The following NBPF9 variants were observed in gnomAD, a reference collection of about 807,000 sequenced individuals.
The protein encoded by NBPF9 is NBPF member 9.
NBPF9 carries 91 observed loss-of-function variants against 97.8 expected under a neutral mutation model. The ratio of observed to expected loss-of-function variants is 0.93; its 90% CI spans 0.79 to 1.11. The LOEUF (loss-of-function observed/expected upper bound fraction) is 1.11. NBPF9 is among the 50% of genes least tolerant of loss of function. The pLI, the probability that NBPF9 is intolerant of heterozygous loss-of-function variation, is 0.00. For missense variants in NBPF9, 992 were observed against 939.5 expected, an observed-to-expected ratio of 1.06 and a Z score of -0.73; for synonymous variants, 334 against 359.5, an observed-to-expected ratio of 0.93 and a Z score of 0.80.
chr1:149,072,413 C>T (rs1270157198), intron 14 of NBPF9, among the ~76,000 whole-genome samples: 1 of 151,824 alleles, frequency 6.6e-6, no homozygotes, highest in African/African-American at 2.4e-5. Context: ...GTCCAGAGCT[C>T]TTTTCACTCT....
At chr1:149,086,214 C>T (rs1218416390) in intron 5 of NBPF9, among the ~76,000 whole-genome samples, 1 of 148,932 alleles carries the variant, frequency 6.7e-6, no homozygotes, top group African/African-American at 2.4e-5. Flanking sequence ...CCAGGTCTCA[C>T]TAACACAGGC....
chr1:149,084,213 A>C (rs1470779125), intron 5 of NBPF9, among the ~76,000 whole-genome samples: 1 of 145,882 alleles, frequency 6.9e-6, no homozygotes, highest in Non-Finnish European at 1.5e-5. Flanking sequence ...TGACGAGTTA[A>C]TGGGTGCAGC....
Position 149,080,366 on chromosome 1 carries a change from G to A in NBPF9, c.176-211C>T, listed in dbSNP as rs2080318273. On this transcript the variant is annotated intron_variant, in intron 7 of 29. Coordinates refer to ENST00000584027, the Ensembl canonical transcript of NBPF9. ...TAAAGACGAAGAAAGAGAACCTCAA[G>A]GGCGCATCAAGGAAGTTGACAAGAT... Among the ~76,000 whole-genome samples, 3 of 150,284 alleles carry A rather than the reference G, an allele frequency of 2.0e-5. 1 individual carries two copies. The highest frequency in any genetic ancestry group is 7.4e-5 in the African/African-American group (3 of 40,406).
rs781828745 is a variant in NBPF9 at position 149,072,701 on chromosome 1, G to A, written c.1306+17C>T. The A allele has an allele frequency of 2.6e-5, 42 of 1,611,522 alleles. No homozygotes were observed. Among genetic ancestry groups the A allele is most frequent in the Non-Finnish European group, 3.2e-5 (38 of 1,179,558 alleles). On this transcript the variant is annotated intron_variant, in intron 14 of 29. Coordinates refer to ENST00000584027, the Ensembl canonical transcript of NBPF9. ...AAGCCTGGGGTTTTGGGTCAACAGG[G>A]CCTATGGCCACCTTACCTGGGCTGA...
chr1:149,060,983 G>A lies in NBPF9; in HGVS notation c.2304-288C>T, dbSNP rs1443703504. 9 of 416,152 alleles carry A rather than the reference G, an allele frequency of 2.2e-5. 2 individuals carry two copies. The highest frequency in any genetic ancestry group is 3.5e-5 in the Non-Finnish European group (8 of 229,780). The allele number at this position is 416,152 out of a possible 1,614,324, so 25.8% of individuals were successfully genotyped here. On this transcript the variant is annotated intron_variant, in intron 23 of 29. Coordinates refer to ENST00000584027, the Ensembl canonical transcript of NBPF9. ...TTGTCCAGATGACACACTGATGAGG[G>A]AGTAACAGGACACTCTGAGTTAGTG...
At chr1:149,083,137 G>C (rs1165791924) in intron 5 of NBPF9, among the ~76,000 whole-genome samples, 1 of 150,584 alleles carries the variant, frequency 6.6e-6, no homozygotes, top group Non-Finnish European at 1.5e-5. Flanking sequence ...GGGTATATAT[G>C]CCACTAATTT....
intron 5 of NBPF9, among the ~76,000 whole-genome samples, chr1:149,087,318 AAT>A (rs61093688): frequency 9.6e-5 from 14 of 146,438 alleles, no homozygotes; most frequent in African/African-American, 1.5e-4. Context: ...CAAAACGGTG[AAT>A]ATATATATAT....
intron 13 of NBPF9, 113 bp from the exon 14 acceptor site, chr1:149,073,045 G>T: frequency 2.9e-6 from 3 of 1,046,042 alleles, no homozygotes; most frequent in South Asian, 2.5e-5. Flanking sequence ...GAAGCAGAAG[G>T]TCAGCACATG....
chr1:149,082,752 G>T (rs2080592729), intron 5 of NBPF9, among the ~76,000 whole-genome samples: 1 of 147,042 alleles, frequency 6.8e-6, no homozygotes, highest in Admixed American at 6.8e-5. Flanking sequence ...ATAAAAAAAT[G>T]GAATCATTTA....
chr1:149,071,073 A>T lies in NBPF9; in HGVS notation c.1446T>A (p.Tyr482Ter). Residue 482 changes from tyrosine (Y) to a stop codon, truncating the protein, a stop_gained, in exon 16 of 30, where the codon TAT becomes TAA. Transcript: ENST00000584027. LOFTEE classifies it high-confidence loss of function. ...AGTCATAAGGGCCATGGCTATTTGAATAAGTGATGGCACATTCCTCCAGTG... is the reference window on the plus strand; with the variant it reads ...AGTCATAAGGGCCATGGCTATTTGATTAAGTGATGGCACATTCCTCCAGTG... 6.2e-7 allele frequency: 1 copy of T among 1,610,980 alleles called. No individual in the cohort carries two copies. The highest frequency in any genetic ancestry group is 8.5e-7 in the Non-Finnish European group (1 of 1,179,306).
exon 30 of NBPF9, chr1:149,055,425 C>T (rs1320830940): frequency 1.1e-4 from 77 of 709,350 alleles, no homozygotes; most frequent in Admixed American, 3.8e-4. Flanking sequence ...TGACTGATCA[C>T]TCCCGGCATG....
In NBPF9 at chr1:149,084,579, G is replaced by A. The variant is rs587748629; in HGVS notation, c.-194-2149C>T. Among the ~76,000 whole-genome samples, 452 of 150,670 alleles carry A rather than the reference G, an allele frequency of 3.0e-3. 1 individual carries two copies. Among genetic ancestry groups the A allele is most frequent in the African/African-American group, 0.01 (427 of 40,970 alleles). ...GGCCCCAGCAGCAGCGACCAGAGGAGCCCCTGCAGCAACGCAACGGCCAGG... is the reference window on the plus strand; with the variant it reads ...GGCCCCAGCAGCAGCGACCAGAGGAACCCCTGCAGCAACGCAACGGCCAGG... On this transcript the variant is annotated intron_variant, in intron 5 of 29. Transcript: ENST00000584027.
chr1:149,088,583 C>A (rs1282184073), intron 5 of NBPF9, among the ~76,000 whole-genome samples: 1 of 152,114 alleles, frequency 6.6e-6, no homozygotes, highest in Non-Finnish European at 1.5e-5. Flanking sequence ...CTGTTCTCAT[C>A]ATGCTGAGCA....
chr1:149,077,799 C>A, intron 10 of NBPF9, 84 bp downstream of exon 10: 2 of 1,576,926 alleles, frequency 1.3e-6, no homozygotes, highest in East Asian at 2.2e-5. Flanking sequence ...GCTTTTGGCC[C>A]ACCATAGATG....
chr1:149,095,392 T>A (rs2081678810), intron 4 of NBPF9, among the ~76,000 whole-genome samples: 1 of 141,124 alleles, frequency 7.1e-6, no homozygotes, highest in Admixed American at 7.1e-5. Context: ...ATCTGAGGGA[T>A]CCTGGGTTCA....
At chr1:149,085,474 C>G (rs1345042400) in intron 5 of NBPF9, among the ~76,000 whole-genome samples, 1 of 152,078 alleles carries the variant, frequency 6.6e-6, no homozygotes, top group African/African-American at 2.4e-5. Context: ...CATTTTGAAA[C>G]TAGCTTTCAA....
At position 149,062,852 on chromosome 1, in the gene NBPF9, T is replaced by C. The variant is rs2078721934; in HGVS notation, c.2078+10A>G. Reference sequence around the variant, plus strand: ...CACAGAATTAAGCATCCATAATTGCTCAAAGTTACCTGGGGCATGATGGGT... The same window carrying C: ...CACAGAATTAAGCATCCATAATTGCCCAAAGTTACCTGGGGCATGATGGGT... On this transcript the variant is annotated intron_variant, in intron 21 of 29. Coordinates refer to ENST00000584027, the Ensembl canonical transcript of NBPF9. 1 of 668,632 alleles carries C rather than the reference T, an allele frequency of 1.5e-6. No individual in the cohort carries two copies. The highest frequency in any genetic ancestry group is 2.6e-5 in the East Asian group (1 of 38,360). 41.4% of individuals were successfully genotyped at this position (668,632 alleles called of 1,614,324 possible). A position where few individuals can be genotyped will look rare whatever the true frequency, so the allele number is the denominator to read the frequency against.
In NBPF9 at chr1:149,060,918, CACACACAA is replaced by C. The variant is rs1292230923; in HGVS notation, c.2304-231_2304-224del. The C allele has an allele frequency of 4.7e-5, 19 of 405,876 alleles. No homozygotes were observed. The African/African-American group carries it at 5.4e-4, about 11-fold the overall frequency. 25.1% of individuals were successfully genotyped at this position (405,876 alleles called of 1,614,324 possible). A position where few individuals can be genotyped will look rare whatever the true frequency, so the allele number is the denominator to read the frequency against. On this transcript the variant is annotated intron_variant, in intron 23 of 29. Coordinates refer to ENST00000584027, the Ensembl canonical transcript of NBPF9. The stretch of plus-strand genomic sequence containing the variant: ...ACACACACACACACACACACACACA[CACACACAA>C]ACACACACACACAGAGAACGAGCTC...
intron 9 of NBPF9, 127 bp downstream of exon 9, chr1:149,078,880 G>T: frequency 6.6e-7 from 1 of 1,519,436 alleles, no homozygotes; most frequent in Admixed American, 1.7e-5. Context: ...AGTCCTGATC[G>T]TGTCATGGCC....
Sources: allele counts gnomAD v4.1 joint callset (sites outside exome capture counted in the v4.1 genomes callset), GRCh38; gene constraint gnomAD v4.1.1; transcripts MANE v1.5; gene names NCBI Gene and HGNC (gene_info 2026-07-23, HGNC 2026-07-21).